Variants in TMEM117 observed in about 807,000 individuals in gnomAD.
TMEM117 encodes the protein transmembrane protein 117.
Under a neutral mutation model 52.4 loss-of-function variants are expected in TMEM117, and 27 were observed. That is an observed-to-expected ratio of 0.51 (90% CI 0.38 to 0.71). TMEM117 has a LOEUF of 0.71. Among genes scored for constraint, TMEM117 ranks in the 30% least tolerant of loss-of-function variants. The pLI is 0.00. For synonymous variants in TMEM117, 215 were observed against 206.3 expected, an observed-to-expected ratio of 1.04 and a Z score of -0.36; for missense variants, 556 against 630.5, an observed-to-expected ratio of 0.88 and a Z score of 1.26.
chr12:44,167,205 T>C (rs1948979326), intron 4 of TMEM117, among the ~76,000 whole-genome samples: 1 of 152,196 alleles, frequency 6.6e-6, no homozygotes, highest in Non-Finnish European at 1.5e-5. Flanking sequence ...CAGATGGTTT[T>C]GCTGTCAAAT....
At chr12:43,873,993 G>A (rs1048056875) in intron 2 of TMEM117, among the ~76,000 whole-genome samples, 2 of 151,718 alleles carry the variant, frequency 1.3e-5, no homozygotes, top group East Asian at 1.9e-4. Context: ...AATCTGAGCT[G>A]AAAAATCCAT....
intron 3 of TMEM117, among the ~76,000 whole-genome samples, chr12:44,013,903 C>CA (rs1223354420): frequency 6.6e-6 from 1 of 152,206 alleles, no homozygotes; most frequent in Non-Finnish European, 1.5e-5. Context: ...TCAGATCACT[C>CA]AGCTGTTTGC....
At chr12:44,216,202 T>G (rs1949716198) in intron 5 of TMEM117, among the ~76,000 whole-genome samples, 1 of 151,842 alleles carries the variant, frequency 6.6e-6, no homozygotes, top group Non-Finnish European at 1.5e-5. Flanking sequence ...GAGAGGGAGT[T>G]TCACCATGTT....
intron 6 of TMEM117, among the ~76,000 whole-genome samples, chr12:44,319,540 C>T (rs969185590): frequency 6.6e-6 from 1 of 152,058 alleles, no homozygotes; most frequent in Non-Finnish European, 1.5e-5. Flanking sequence ...AATGGGTTCC[C>T]GTTTTCCCTT....
intron 3 of TMEM117, among the ~76,000 whole-genome samples, chr12:44,048,236 C>T (rs116091677): frequency 6.7e-4 from 101 of 151,856 alleles, no homozygotes; most frequent in African/African-American, 2.2e-3. Context: ...TTTCTTTTTC[C>T]CTTTTATTCT....
intron 6 of TMEM117, among the ~76,000 whole-genome samples, chr12:44,337,722 C>T (rs574687080): frequency 3.7e-4 from 56 of 152,082 alleles, no homozygotes; most frequent in Non-Finnish European, 5.9e-4. Context: ...GTTAGTGTGA[C>T]GGCATGCAAT....
chr12:44,329,945 A>G (rs1951246426), intron 6 of TMEM117, among the ~76,000 whole-genome samples: 1 of 152,058 alleles, frequency 6.6e-6, no homozygotes, highest in African/African-American at 2.4e-5. Context: ...ATCTTTTGTG[A>G]ATAATGCTGC....
At chr12:44,011,658 C>T (rs890498390) in intron 3 of TMEM117, among the ~76,000 whole-genome samples, 6 of 112,092 alleles carry the variant, frequency 5.4e-5, no homozygotes, top group African/African-American at 3.8e-4. Context: ...ATATTCCTTA[C>T]TATACATACA....
At chr12:44,291,955 G>A (rs60441308) in intron 5 of TMEM117, among the ~76,000 whole-genome samples, 32,108 of 151,592 alleles carry the variant, frequency 0.21, 6,004 homozygotes, top group African/African-American at 0.51. Flanking sequence ...TTCTTTTTTT[G>A]TAGTATCCAT....
intron 2 of TMEM117, among the ~76,000 whole-genome samples, chr12:43,923,779 G>A (rs536964640): frequency 1.6e-3 from 245 of 152,146 alleles, no homozygotes; most frequent in African/African-American, 5.8e-3. Context: ...GAGTACAGAC[G>A]ATGCTGGAAA....
chr12:43,930,271 C>T (rs1944850527), intron 2 of TMEM117, among the ~76,000 whole-genome samples: 1 of 152,134 alleles, frequency 6.6e-6, no homozygotes, highest in African/African-American at 2.4e-5. Context: ...CTTGATCTTA[C>T]CTCACCTACA....
chr12:43,968,613 T>C (rs1459769831), intron 3 of TMEM117, among the ~76,000 whole-genome samples: 1 of 152,180 alleles, frequency 6.6e-6, no homozygotes, highest in Non-Finnish European at 1.5e-5. Flanking sequence ...AGGTAAATAT[T>C]CAGCTTGAAA....
At chr12:44,358,030 T>C (rs1362256195) in intron 6 of TMEM117, among the ~76,000 whole-genome samples, 1 of 152,100 alleles carries the variant, frequency 6.6e-6, no homozygotes, top group Non-Finnish European at 1.5e-5. Flanking sequence ...AGCAAATGGA[T>C]GCCACTGGAG....
intron 5 of TMEM117, among the ~76,000 whole-genome samples, chr12:44,277,296 A>G (rs943979824): frequency 6.6e-6 from 1 of 152,124 alleles, no homozygotes; most frequent in Non-Finnish European, 1.5e-5. Context: ...TCTTTTCTAC[A>G]TCTGGACTAG....
At chr12:44,170,348 A>T (rs1450958468) in intron 4 of TMEM117, among the ~76,000 whole-genome samples, 1 of 151,662 alleles carries the variant, frequency 6.6e-6, no homozygotes, top group Non-Finnish European at 1.5e-5. Flanking sequence ...AATGTAAATG[A>T]GGAGTTAACG....
chr12:44,195,592 C>G (rs1419611733), intron 4 of TMEM117, among the ~76,000 whole-genome samples: 1 of 151,910 alleles, frequency 6.6e-6, no homozygotes, highest in Non-Finnish European at 1.5e-5. Context: ...AAACATATAC[C>G]AGGAAAATAC....
intron 3 of TMEM117, among the ~76,000 whole-genome samples, chr12:43,981,057 T>A (rs1334843030): frequency 6.6e-6 from 1 of 152,160 alleles, no homozygotes; most frequent in Non-Finnish European, 1.5e-5. Context: ...ACAGCTGCCT[T>A]CAGCTCATTC....
the TMEM117 span, among the ~76,000 whole-genome samples, chr12:43,822,066 G>T: frequency 6.6e-6 from 1 of 152,156 alleles, no homozygotes; most frequent in Non-Finnish European, 1.5e-5. Flanking sequence ...AAGAGGTCCA[G>T]ACATTTATGG....
At chr12:44,234,234 T>A (rs113824263) in intron 5 of TMEM117, among the ~76,000 whole-genome samples, 5 of 151,670 alleles carry the variant, frequency 3.3e-5, no homozygotes, top group African/African-American at 1.2e-4. Context: ...AAGAGCTTTT[T>A]CTATGAGAAA....
Sources: allele counts gnomAD v4.1 joint callset (sites outside exome capture counted in the v4.1 genomes callset), GRCh38; gene constraint gnomAD v4.1.1; transcripts MANE v1.5; gene names NCBI Gene and HGNC (gene_info 2026-07-23, HGNC 2026-07-21).